The following MGMT variants were observed in gnomAD, a reference collection of about 807,000 sequenced individuals.
MGMT encodes the protein O-6-methylguanine-DNA methyltransferase.
MGMT carries 14 observed loss-of-function variants against 15.9 expected under a neutral mutation model. That is an observed-to-expected ratio of 0.88 (90% CI 0.58 to 1.37). MGMT has a LOEUF of 1.37. Among genes scored for constraint, MGMT ranks in the 40% most tolerant of loss-of-function variants. The pLI, the probability that MGMT is intolerant of heterozygous loss-of-function variation, is 0.00. For missense variants in MGMT, 282 were observed against 268.1 expected, an observed-to-expected ratio of 1.05 and a Z score of -0.36; for synonymous variants, 130 against 118.2, an observed-to-expected ratio of 1.10 and a Z score of -0.65.
rs552122370 is a variant in MGMT, at chr10:129,574,125, G to C, written c.125+37748G>C. ...CAGATGATACTGTTATTTATGCGCAGTTACTGTCTCCCTTTGGAGAGTTTC... is the reference window on the plus strand; with the variant it reads ...CAGATGATACTGTTATTTATGCGCACTTACTGTCTCCCTTTGGAGAGTTTC... On this transcript the variant is annotated intron_variant, in intron 2 of 4. Transcript: ENST00000651593. 3.9e-5 allele frequency among the ~76,000 whole-genome samples: 6 copies of C among 152,348 alleles called. No homozygotes were observed. The East Asian group carries it at 9.6e-4, about 24-fold the overall frequency.
chr10:129,486,871 T>G (rs1479897498), intron 1 of MGMT, among the ~76,000 whole-genome samples: 1 of 152,244 alleles, frequency 6.6e-6, no homozygotes, highest in Non-Finnish European at 1.5e-5. Flanking sequence ...AAGAGTGTAT[T>G]CTTTCCTGCT....
At chr10:129,596,765 G>A (rs561289518) in intron 2 of MGMT, among the ~76,000 whole-genome samples, 13 of 152,314 alleles carry the variant, frequency 8.5e-5, no homozygotes, top group African/African-American at 2.6e-4. Context: ...TCGTGCTTGC[G>A]TTTCAGGCCA....
intron 3 of MGMT, among the ~76,000 whole-genome samples, chr10:129,755,772 G>A (rs551179513): frequency 7.2e-5 from 11 of 152,356 alleles, no homozygotes; most frequent in Non-Finnish European, 1.0e-4. Context: ...TGCAGTGGAC[G>A]CACAGGTGTG....
chr10:129,676,977 C>T (rs953481009), intron 2 of MGMT, among the ~76,000 whole-genome samples: 2 of 152,148 alleles, frequency 1.3e-5, no homozygotes, highest in African/African-American at 4.8e-5. Flanking sequence ...GAAATGGTGA[C>T]CATCTTACCC....
At chr10:129,629,397 G>T (rs4751107) in intron 2 of MGMT, among the ~76,000 whole-genome samples, 37,149 of 152,090 alleles carry the variant, frequency 0.24, 4,789 homozygotes, top group Non-Finnish European at 0.27. Flanking sequence ...GTGTATCATA[G>T]AATATTTCAT....
chr10:129,583,943 C>G (rs963864600), intron 2 of MGMT, among the ~76,000 whole-genome samples: 2 of 152,242 alleles, frequency 1.3e-5, no homozygotes, highest in East Asian at 3.9e-4. Context: ...TGAGGCAGGA[C>G]GTGGAGCACC....
At chr10:129,655,029 C>T (rs1564750022) in intron 2 of MGMT, among the ~76,000 whole-genome samples, 1 of 152,184 alleles carries the variant, frequency 6.6e-6, no homozygotes, top group South Asian at 2.1e-4. Flanking sequence ...CATTCAGGCT[C>T]GATGGAGAGG....
chr10:129,571,834 T>C (rs1295573819), intron 2 of MGMT, among the ~76,000 whole-genome samples: 2 of 152,236 alleles, frequency 1.3e-5, no homozygotes, highest in Admixed American at 1.3e-4. Context: ...GAATATCTGA[T>C]ATAAATATGA....
At chr10:129,600,486 A>G (rs1287479225) in intron 2 of MGMT, among the ~76,000 whole-genome samples, 2 of 152,226 alleles carry the variant, frequency 1.3e-5, no homozygotes, top group Non-Finnish European at 2.9e-5. Context: ...ATTAAAAAAT[A>G]CACATTGTGA....
chr10:129,651,600 A>T (rs1412337161), intron 2 of MGMT, among the ~76,000 whole-genome samples: 3 of 152,180 alleles, frequency 2.0e-5, no homozygotes, highest in Non-Finnish European at 4.4e-5. Context: ...ATGTGAAAAC[A>T]CCAAGAGTTA....
At chr10:129,529,956 A>G (rs1158829070) in intron 1 of MGMT, among the ~76,000 whole-genome samples, 3 of 151,876 alleles carry the variant, frequency 2.0e-5, no homozygotes, top group Non-Finnish European at 4.4e-5. Context: ...GCTGGAGTGC[A>G]GTGGCACTAC....
chr10:129,590,188 C>G (rs1275435263), intron 2 of MGMT, among the ~76,000 whole-genome samples: 6 of 152,232 alleles, frequency 3.9e-5, no homozygotes, highest in African/African-American at 1.4e-4. Flanking sequence ...CTAAAGGTTT[C>G]AGATCTGTCT....
At chr10:129,717,100 A>G (rs1848308338) in intron 3 of MGMT, among the ~76,000 whole-genome samples, 1 of 152,202 alleles carries the variant, frequency 6.6e-6, no homozygotes, top group Non-Finnish European at 1.5e-5. Context: ...CAGGTAATCT[A>G]CAGAGAATTT....
At chr10:129,610,441 G>A (rs370760416) in intron 2 of MGMT, among the ~76,000 whole-genome samples, 6 of 152,208 alleles carry the variant, frequency 3.9e-5, no homozygotes, top group East Asian at 1.9e-4. Flanking sequence ...CAGGGCCTTG[G>A]CATGTGCCTG....
At chr10:129,650,556 G>A (rs1847445283) in intron 2 of MGMT, among the ~76,000 whole-genome samples, 1 of 152,156 alleles carries the variant, frequency 6.6e-6, no homozygotes, top group African/African-American at 2.4e-5. Context: ...GCGTCCTTTT[G>A]TTCTTTTTGC....
At chr10:129,597,014 T>C (rs1033661982) in intron 2 of MGMT, among the ~76,000 whole-genome samples, 3 of 151,752 alleles carry the variant, frequency 2.0e-5, no homozygotes, top group African/African-American at 7.3e-5. Flanking sequence ...GATCTAGGAG[T>C]TTTCCCTAAA....
At chr10:129,563,558 A>T (rs517162) in intron 2 of MGMT, among the ~76,000 whole-genome samples, 6,889 of 152,144 alleles carry the variant, frequency 0.045, 232 homozygotes, top group South Asian at 0.097. Context: ...TTAATTTTTT[A>T]AAAAAAATCA....
intron 2 of MGMT, among the ~76,000 whole-genome samples, chr10:129,563,173 C>T (rs117578645): frequency 0.033 from 4,949 of 152,028 alleles, 131 homozygotes; most frequent in South Asian, 0.066. Context: ...TTTTAACTTT[C>T]ACTGAATGTA....
intron 1 of MGMT, among the ~76,000 whole-genome samples, chr10:129,496,683 G>A (rs939016435): frequency 1.3e-5 from 2 of 152,044 alleles, no homozygotes; most frequent in Non-Finnish European, 1.5e-5. Context: ...TAGCTGTCCC[G>A]TGCTCTAGAG....
Sources: gnomAD v4.1 joint callset for allele counts (sites outside exome capture counted in the v4.1 genomes callset) on GRCh38, gnomAD v4.1.1 for gene constraint, MANE v1.5 for transcripts, NCBI Gene and HGNC (gene_info 2026-07-23, HGNC 2026-07-21) for gene names.